Variants in CCNH observed in about 807,000 individuals in gnomAD.
The protein encoded by CCNH is cyclin H.
A neutral mutation model predicts 41.9 loss-of-function variants in CCNH; 31 were observed. The observed-to-expected ratio is 0.74, with a 90% CI of 0.56 to 1.00. The LOEUF is 1.00. Among genes scored for constraint, CCNH ranks in the 50% least tolerant of loss-of-function variants. The pLI is 0.00. For synonymous variants in CCNH, 138 were observed against 136.1 expected, an observed-to-expected ratio of 1.01 and a Z score of -0.10; for missense variants, 362 against 388.4, an observed-to-expected ratio of 0.93 and a Z score of 0.57.
At chr5:87,383,778 C>A in intron 9 of CCNH, 1 of 1,607,848 alleles carries the variant, frequency 6.2e-7, no homozygotes, top group South Asian at 1.1e-5. Context: ...AATATCATCT[C>A]AGGTAATCAG....
At chr5:87,371,595 A>C (rs1405582809), downstream of CCNH, among the ~76,000 whole-genome samples, 1 of 152,148 alleles carries the variant, frequency 6.6e-6, no homozygotes, top group Non-Finnish European at 1.5e-5. Flanking sequence ...AAGCTTAAAA[A>C]TAACCCAAAT....
At chr5:87,394,624 T>C in intron 8 of CCNH, 140 bp from the exon 9 acceptor site, 1 of 1,478,556 alleles carries the variant, frequency 6.8e-7, no homozygotes, top group Non-Finnish European at 9.0e-7. Context: ...TTTGTAATAG[T>C]TCACTGTTAG....
At chr5:87,389,340 CAAAAA>C, downstream of CCNH, 1 of 1,581,148 alleles carries the variant, frequency 6.3e-7, no homozygotes, top group South Asian at 1.1e-5. Context: ...TCAAAAAAAA[CAAAAA>C]AAAAGAAGAT....
chr5:87,353,943 A>G (rs1449966129), intron 9 of CCNH, among the ~76,000 whole-genome samples: 1 of 152,106 alleles, frequency 6.6e-6, no homozygotes, highest in Non-Finnish European at 1.5e-5. Context: ...AAGGTGCTTC[A>G]AAAGACGGAT....
chr5:87,322,665 G>A (rs1213771155), intron 9 of CCNH, among the ~76,000 whole-genome samples: 1 of 152,142 alleles, frequency 6.6e-6, no homozygotes, highest in East Asian at 1.9e-4. Flanking sequence ...CTATAGTCCT[G>A]CAGAACCATG....
downstream of CCNH, among the ~76,000 whole-genome samples, chr5:87,373,433 A>G (rs1761096063): frequency 6.6e-6 from 1 of 152,098 alleles, no homozygotes; most frequent in South Asian, 2.1e-4. Flanking sequence ...CTGCCAGGAC[A>G]GAGAGGTGGA....
intron 9 of CCNH, among the ~76,000 whole-genome samples, chr5:87,347,562 G>A (rs1276381483): frequency 6.6e-6 from 1 of 151,912 alleles, no homozygotes; most frequent in Non-Finnish European, 1.5e-5. Flanking sequence ...ATAGATTCTT[G>A]TGGTGATAAC....
chr5:87,357,840 T>C (rs1010272768), intron 9 of CCNH, among the ~76,000 whole-genome samples: 2 of 152,210 alleles, frequency 1.3e-5, no homozygotes. Flanking sequence ...AAACCTCCAA[T>C]TGGTTTTGCA....
intron 9 of CCNH, among the ~76,000 whole-genome samples, chr5:87,324,956 TA>T (rs1757115888): frequency 6.6e-6 from 1 of 152,198 alleles, no homozygotes; most frequent in Non-Finnish European, 1.5e-5. Flanking sequence ...TTAATTTTTT[TA>T]TTTTTTTTTA....
intron 9 of CCNH, among the ~76,000 whole-genome samples, chr5:87,352,981 G>GT (rs1055186165): frequency 5.3e-5 from 8 of 151,500 alleles, no homozygotes; most frequent in Admixed American, 3.3e-4. Flanking sequence ...TGAGAACATT[G>GT]TTTTTTCTAA....
chr5:87,402,691 T>C (rs569492141), intron 5 of CCNH, among the ~76,000 whole-genome samples: 1 of 152,300 alleles, frequency 6.6e-6, no homozygotes, highest in South Asian at 2.1e-4. Flanking sequence ...GGAATAAATT[T>C]TGGATCTGAA....
upstream of CCNH, among the ~76,000 whole-genome samples, chr5:87,381,201 A>T (rs1018537658): frequency 1.3e-5 from 2 of 152,076 alleles, no homozygotes; most frequent in Non-Finnish European, 2.9e-5. Context: ...ATTCTAACTT[A>T]TTTTTCCAAT....
At chr5:87,344,756 T>G (rs1758729186) in intron 9 of CCNH, among the ~76,000 whole-genome samples, 1 of 149,208 alleles carries the variant, frequency 6.7e-6, no homozygotes, top group South Asian at 2.1e-4. Context: ...TGGCCTCAAG[T>G]GATCCTCCCA....
chr5:87,363,294 T>C (rs1237311522), intron 9 of CCNH: 1 of 1,424,192 alleles, frequency 7.0e-7, no homozygotes, highest in Non-Finnish European at 9.8e-7. Flanking sequence ...TTTAATAATA[T>C]GTAGGATTTC....
At chr5:87,347,672 A>G (rs1257509742) in intron 9 of CCNH, among the ~76,000 whole-genome samples, 2 of 151,994 alleles carry the variant, frequency 1.3e-5, no homozygotes, top group Non-Finnish European at 2.9e-5. Flanking sequence ...TTTTTGAAGT[A>G]CTCAATTTTA....
At chr5:87,325,640 A>G (rs1384307674) in intron 9 of CCNH, among the ~76,000 whole-genome samples, 1 of 152,216 alleles carries the variant, frequency 6.6e-6, no homozygotes, top group Non-Finnish European at 1.5e-5. Context: ...GCCTGTCAGT[A>G]ATATAACCAA....
intron 9 of CCNH, chr5:87,353,080 A>C (rs1281235835): frequency 1.7e-6 from 2 of 1,183,864 alleles, no homozygotes; most frequent in Non-Finnish European, 1.2e-6. Flanking sequence ...AATCCTTGGC[A>C]AGAAAGTTTA....
At chr5:87,346,540 ATG>A (rs917143750) in intron 9 of CCNH, 1 of 529,562 alleles carries the variant, frequency 1.9e-6, no homozygotes, top group East Asian at 3.2e-5. Flanking sequence ...TGTAATAAGA[ATG>A]AGATGATTTG....
At chr5:87,384,795 T>C (rs1170353676) in intron 9 of CCNH, among the ~76,000 whole-genome samples, 1 of 152,170 alleles carries the variant, frequency 6.6e-6, no homozygotes, top group Non-Finnish European at 1.5e-5. Context: ...TAAAAGTTTA[T>C]TAAATTTCAT....
Sources: allele counts gnomAD v4.1 joint callset (sites outside exome capture counted in the v4.1 genomes callset), GRCh38; gene constraint gnomAD v4.1.1; transcripts MANE v1.5; gene names NCBI Gene and HGNC (gene_info 2026-07-23, HGNC 2026-07-21).